PCDHGA7: variants seen among roughly 807,000 people sequenced by gnomAD.
PCDHGA7 encodes protocadherin gamma subfamily A, 7, also known as protocadherin gamma-A7.
A neutral mutation model predicts 58.3 loss-of-function variants in PCDHGA7; 44 were observed. The ratio of observed to expected loss-of-function variants is 0.75; its 90% CI spans 0.59 to 0.97. The LOEUF (loss-of-function observed/expected upper bound fraction) is 0.97, where lower values mean the gene tolerates loss of function less well. Ranked by LOEUF, PCDHGA7 falls within the 50% of genes least tolerant of loss-of-function variation. The pLI is 0.00. For missense variants in PCDHGA7, 1,266 were observed against 1,188.7 expected, an observed-to-expected ratio of 1.06 and a Z score of -0.96; for synonymous variants, 516 against 504.2, an observed-to-expected ratio of 1.02 and a Z score of -0.31.
rs530356030 is a variant in PCDHGA7 at position 141,426,463 on chromosome 5, GATTT to G, written c.2424+41144_2424+41147del. 309 of 318,428 alleles carry G rather than the reference GATTT, an allele frequency of 9.7e-4. 2 individuals are homozygous for G. Among genetic ancestry groups the G allele is most frequent in the Non-Finnish European group, 1.6e-3 (252 of 160,518 alleles). 19.7% of individuals were successfully genotyped at this position (318,428 alleles called of 1,614,324 possible). A position where few individuals can be genotyped will look rare whatever the true frequency, so the allele number is the denominator to read the frequency against. ...GGAGGACATGCGGCTGCATGTTCAGGATTTATTGACCTGAAACCTTAGAGTTAGT... is the reference window on the plus strand; with the variant it reads ...GGAGGACATGCGGCTGCATGTTCAGGATTGACCTGAAACCTTAGAGTTAGT... On this transcript the variant is annotated intron_variant, in intron 1 of 3. Transcript: ENST00000518325.
At chr5:141,421,582 G>A (rs531591776) in intron 1 of PCDHGA7, 4 of 1,613,874 alleles carry the variant, frequency 2.5e-6, no homozygotes, top group Non-Finnish European at 2.5e-6. Flanking sequence ...GAAGATTTAC[G>A]GAGTGGAGGT....
intron 1 of PCDHGA7, chr5:141,393,977 T>C (rs1014126865): frequency 1.9e-6 from 3 of 1,613,870 alleles, no homozygotes; most frequent in Non-Finnish European, 2.5e-6. Flanking sequence ...ACACACGTGA[T>C]AATTTACCTT....
At position 141,384,089 on chromosome 5, in the gene PCDHGA7, C is replaced by T; in HGVS notation, c.1190C>T (p.Ser397Leu). The change falls in exon 1 of 4, where the codon TCA becomes TTA. Residue 397 changes from serine (S) to leucine (L), a missense_variant. Physicochemically the swap from Ser to Leu is moderately radical, Grantham distance 145 (BLOSUM62 -2). Transcript: ENST00000518325. The stretch of plus-strand genomic sequence containing the variant: ...AACCTACCTTTTAAATTAGAAAAAT[C>T]AATAGATAATTATTATAGATTGGTC... Reference protein sequence around the residue: ...PENLPFKLEKSIDNYYRLVTT... With the variant: ...PENLPFKLEKLIDNYYRLVTT... 1 of 1,596,318 alleles carries T rather than the reference C, an allele frequency of 6.3e-7. No individual in the cohort carries two copies. The highest frequency in any genetic ancestry group is 1.1e-5 in the South Asian group (1 of 89,226).
chr5:141,508,045 T>A (rs985875804), intron 3 of PCDHGA7: 1 of 152,264 alleles, frequency 6.6e-6, no homozygotes, highest in Non-Finnish European at 1.5e-5. Flanking sequence ...GCCAGCTGTG[T>A]TCCAGCTAAT....
intron 1 of PCDHGA7, among the ~76,000 whole-genome samples, chr5:141,425,629 C>G (rs1297803997): frequency 1.3e-5 from 2 of 152,162 alleles, no homozygotes; most frequent in Admixed American, 1.3e-4. Flanking sequence ...CTCCAGTTTT[C>G]TCTGATAAAA....
At chr5:141,405,082 G>A (rs376389835) in intron 1 of PCDHGA7, 21 of 1,613,674 alleles carry the variant, frequency 1.3e-5, no homozygotes, top group East Asian at 2.2e-5. Context: ...TCGTTATCAC[G>A]CTGCTGGCCC....
At chr5:141,428,437 C>A in intron 1 of PCDHGA7, 1 of 400,386 alleles carries the variant, frequency 2.5e-6, no homozygotes, top group South Asian at 2.4e-5. Flanking sequence ...TAAGACTAGA[C>A]CAGGGGTTTT....
chr5:141,454,228 T>C (rs6896225), intron 1 of PCDHGA7, among the ~76,000 whole-genome samples: 1,935 of 152,208 alleles, frequency 0.013, 54 homozygotes, highest in African/African-American at 0.044. Flanking sequence ...AAAGTAATTG[T>C]GATGAAAAGG....
chr5:141,465,858 C>T (rs2099110865), intron 1 of PCDHGA7, among the ~76,000 whole-genome samples: 1 of 152,034 alleles, frequency 6.6e-6, no homozygotes, highest in African/African-American at 2.4e-5. Context: ...CCCAGTGGCT[C>T]ATGCCTGTAA....
At chr5:141,420,687 G>T (rs2096517632) in intron 1 of PCDHGA7, among the ~76,000 whole-genome samples, 1 of 152,182 alleles carries the variant, frequency 6.6e-6, no homozygotes, top group South Asian at 2.1e-4. Flanking sequence ...TATCGGGACC[G>T]TATTATTTCC....
chr5:141,492,023 C>A, intron 1 of PCDHGA7: 1 of 564,804 alleles, frequency 1.8e-6, no homozygotes, highest in Non-Finnish European at 3.0e-6. Context: ...TCGGGGGTCC[C>A]GGGAGGAGGC....
chr5:141,500,345 A>G (rs1459262760), intron 2 of PCDHGA7, among the ~76,000 whole-genome samples: 3 of 151,916 alleles, frequency 2.0e-5, no homozygotes, highest in Non-Finnish European at 4.4e-5. Context: ...AATAGCTGGG[A>G]CTACAGGCGC....
chr5:141,484,750 G>GTATA (rs545232987), intron 1 of PCDHGA7, among the ~76,000 whole-genome samples: 1 of 149,818 alleles, frequency 6.7e-6, no homozygotes, highest in Non-Finnish European at 1.5e-5. Context: ...GAAAAAAAAT[G>GTATA]TATATATATA....
intron 1 of PCDHGA7, among the ~76,000 whole-genome samples, chr5:141,407,232 A>G (rs2094902362): frequency 6.6e-6 from 1 of 152,242 alleles, no homozygotes; most frequent in African/African-American, 2.4e-5. Flanking sequence ...CAAAAAAAAT[A>G]AAGCATACTT....
At chr5:141,447,535 G>C (rs1366016262) in intron 1 of PCDHGA7, among the ~76,000 whole-genome samples, 1 of 152,162 alleles carries the variant, frequency 6.6e-6, no homozygotes, top group African/African-American at 2.4e-5. Flanking sequence ...AAATTGTTGG[G>C]TTTTAATGTT....
chr5:141,420,525 C>T (rs895355117), intron 1 of PCDHGA7: 2 of 358,086 alleles, frequency 5.6e-6, no homozygotes, highest in South Asian at 2.1e-4. Flanking sequence ...AAATACCTTT[C>T]GGTTAAAAAT....
chr5:141,434,564 A>C (rs2097703207), intron 1 of PCDHGA7, among the ~76,000 whole-genome samples: 1 of 152,228 alleles, frequency 6.6e-6, no homozygotes, highest in Admixed American at 6.5e-5. Context: ...CCTTAAGGAC[A>C]TGCCCCTGCT....
Position 141,398,862 on chromosome 5 carries a change from C to G in PCDHGA7, c.2424+13539C>G, listed in dbSNP as rs771326288. On this transcript the variant is annotated intron_variant, in intron 1 of 3. Transcript: ENST00000518325. ...ATAATCCCCCGGTATTCAACCGAGA[C>G]GTGTACAGAGTCAGCCTTCGGGAAA... 4 of 1,613,848 alleles carry G rather than the reference C, an allele frequency of 2.5e-6. No individual in the cohort carries two copies. The African/African-American group carries it at 5.3e-5, about 22-fold the overall frequency.
intron 1 of PCDHGA7, chr5:141,415,810 T>C: frequency 7.4e-7 from 1 of 1,360,418 alleles, no homozygotes; most frequent in Non-Finnish European, 9.5e-7. Context: ...AATCAAGGCC[T>C]ATATATCATA....
Sources: allele counts gnomAD v4.1 joint callset (sites outside exome capture counted in the v4.1 genomes callset), GRCh38; gene constraint gnomAD v4.1.1; transcripts MANE v1.5; gene names NCBI Gene and HGNC (gene_info 2026-07-23, HGNC 2026-07-21).